The following SMAP1 variants were observed in gnomAD, a reference collection of about 807,000 sequenced individuals.
SMAP1 encodes the protein small ArfGAP 1.
A neutral mutation model predicts 58.5 loss-of-function variants in SMAP1; 24 were observed. That is an observed-to-expected ratio of 0.41 (90% confidence interval 0.30 to 0.58). SMAP1 has a LOEUF of 0.58. Among genes scored for constraint, SMAP1 ranks in the 20% least tolerant of loss-of-function variants. SMAP1 has a pLI of 0.29. For synonymous variants in SMAP1, 216 were observed against 196.6 expected, an observed-to-expected ratio of 1.10 and a Z score of -0.82; for missense variants, 563 against 566.3, an observed-to-expected ratio of 0.99 and a Z score of 0.06.
chr6:70,812,968 T>A (rs535438939), intron 6 of SMAP1, among the ~76,000 whole-genome samples: 18 of 152,252 alleles, frequency 1.2e-4, no homozygotes, highest in African/African-American at 4.1e-4. Context: ...TCTTTTTTTT[T>A]AGCAGTTTTC....
intron 1 of SMAP1, among the ~76,000 whole-genome samples, chr6:70,730,069 T>TC (rs1765363658): frequency 6.6e-6 from 1 of 152,102 alleles, no homozygotes; most frequent in South Asian, 2.1e-4. Context: ...CTCTCCCTTC[T>TC]CCCCCTGACC....
intron 6 of SMAP1, among the ~76,000 whole-genome samples, chr6:70,805,433 C>T (rs1184971551): frequency 3.9e-5 from 6 of 152,204 alleles, no homozygotes; most frequent in Non-Finnish European, 7.4e-5. Flanking sequence ...AACTTCCTTG[C>T]GATGGGTTAG....
intron 6 of SMAP1, among the ~76,000 whole-genome samples, chr6:70,803,053 A>G (rs1258642659): frequency 1.3e-5 from 2 of 152,012 alleles, no homozygotes; most frequent in Admixed American, 6.5e-5. Context: ...CTCTTTTTCT[A>G]TTGATTGGAA....
chr6:70,788,554 AT>A (rs1768188393), intron 4 of SMAP1, among the ~76,000 whole-genome samples: 1 of 152,204 alleles, frequency 6.6e-6, no homozygotes, highest in East Asian at 1.9e-4. Flanking sequence ...TACTTTGAAT[AT>A]TTCCCAGAGG....
intron 6 of SMAP1, among the ~76,000 whole-genome samples, chr6:70,816,233 A>G (rs1318602604): frequency 6.6e-6 from 1 of 152,212 alleles, no homozygotes; most frequent in Non-Finnish European, 1.5e-5. Context: ...CAATTATCCA[A>G]TTTAACTGAA....
chr6:70,688,549 G>T (rs1227063940), intron 1 of SMAP1, among the ~76,000 whole-genome samples: 1 of 152,096 alleles, frequency 6.6e-6, no homozygotes, highest in Non-Finnish European at 1.5e-5. Context: ...GTGGTTTATG[G>T]TGTTGAACAT....
At chr6:70,732,725 T>TA (rs1473598266) in intron 2 of SMAP1, among the ~76,000 whole-genome samples, 1 of 152,244 alleles carries the variant, frequency 6.6e-6, no homozygotes, top group African/African-American at 2.4e-5. Context: ...CTATACTTTC[T>TA]AAAATGTTGA....
At chr6:70,770,781 G>A (rs927804576) in intron 3 of SMAP1, among the ~76,000 whole-genome samples, 25 of 152,262 alleles carry the variant, frequency 1.6e-4, no homozygotes, top group Non-Finnish European at 2.2e-4. Flanking sequence ...CCATTGTTCC[G>A]TTGCTGATGA....
chr6:70,762,726 T>G (rs574637958), intron 3 of SMAP1, among the ~76,000 whole-genome samples: 10 of 152,300 alleles, frequency 6.6e-5, no homozygotes, highest in African/African-American at 2.4e-4. Context: ...TGCTTTATTT[T>G]TATATCTTTG....
chr6:70,740,091 C>T (rs998802445), intron 2 of SMAP1, among the ~76,000 whole-genome samples: 1 of 152,076 alleles, frequency 6.6e-6, no homozygotes, highest in African/African-American at 2.4e-5. Flanking sequence ...CATTGTAGAG[C>T]TATTATTCTT....
At chr6:70,739,969 A>C (rs1765750265) in intron 2 of SMAP1, among the ~76,000 whole-genome samples, 1 of 150,822 alleles carries the variant, frequency 6.6e-6, no homozygotes, top group South Asian at 2.1e-4. Flanking sequence ...CTGTTTTTCC[A>C]TGTCTTTAAT....
chr6:70,729,301 A>T (rs988708525), intron 1 of SMAP1, among the ~76,000 whole-genome samples: 1 of 151,732 alleles, frequency 6.6e-6, no homozygotes, highest in Admixed American at 6.6e-5. Context: ...TAGCTGGGCG[A>T]AGTGGCGGGC....
intron 6 of SMAP1, among the ~76,000 whole-genome samples, chr6:70,819,055 C>T (rs1305544470): frequency 6.6e-6 from 1 of 152,110 alleles, no homozygotes; most frequent in Non-Finnish European, 1.5e-5. Context: ...TCCTGGCAAC[C>T]ACTAATCTTT....
At chr6:70,731,184 C>T (rs1765418492) in intron 1 of SMAP1, among the ~76,000 whole-genome samples, 2 of 152,170 alleles carry the variant, frequency 1.3e-5, no homozygotes, top group South Asian at 4.1e-4. Flanking sequence ...TAATATGATT[C>T]TGAATATTTG....
chr6:70,808,903 T>TGA (rs1491283564), intron 6 of SMAP1, among the ~76,000 whole-genome samples: 8 of 1,602 alleles, frequency 5.0e-3, no homozygotes, highest in Admixed American at 0.019. Flanking sequence ...GCTGTTTCCC[T>TGA]GTGTGTGTGT....
intron 3 of SMAP1, among the ~76,000 whole-genome samples, chr6:70,767,103 T>C (rs1320492653): frequency 6.6e-6 from 1 of 152,162 alleles, no homozygotes; most frequent in Non-Finnish European, 1.5e-5. Flanking sequence ...TCCATTGATC[T>C]TTATCTCTGT....
At chr6:70,852,388 A>G in intron 7 of SMAP1, 152 bp from the exon 8 acceptor site, 1 of 658,670 alleles carries the variant, frequency 1.5e-6, no homozygotes, top group Middle Eastern at 4.2e-4. Context: ...TCTTTGGGAA[A>G]GGGGATCGGG....
At chr6:70,785,178 C>T (rs1193131612) in intron 4 of SMAP1, among the ~76,000 whole-genome samples, 1 of 152,166 alleles carries the variant, frequency 6.6e-6, no homozygotes, top group African/African-American at 2.4e-5. Context: ...TACATGGAAA[C>T]TGAACAACCT....
intron 1 of SMAP1, among the ~76,000 whole-genome samples, chr6:70,701,185 A>G (rs927561605): frequency 6.6e-6 from 1 of 152,098 alleles, no homozygotes; most frequent in Non-Finnish European, 1.5e-5. Flanking sequence ...GGCTCAAGCA[A>G]TCCTTCTACC....
Sources: gnomAD v4.1 joint callset for allele counts (sites outside exome capture counted in the v4.1 genomes callset) on GRCh38, gnomAD v4.1.1 for gene constraint, MANE v1.5 for transcripts, NCBI Gene and HGNC (gene_info 2026-07-23, HGNC 2026-07-21) for gene names.